The following SLC35F1 variants were observed in gnomAD, a reference collection of about 807,000 sequenced individuals.
The protein encoded by SLC35F1 is chromosome 6 open reading frame 169.
SLC35F1 carries 14 observed loss-of-function variants against 48.7 expected under a neutral mutation model. That is an observed-to-expected ratio of 0.29 (90% CI 0.19 to 0.45). The LOEUF (loss-of-function observed/expected upper bound fraction) is 0.45, where lower values mean the gene tolerates loss of function less well. SLC35F1 is among the 20% of genes least tolerant of loss of function. The pLI, the probability that SLC35F1 is intolerant of heterozygous loss-of-function variation, is 1.00. For missense variants in SLC35F1, 404 were observed against 500.0 expected, an observed-to-expected ratio of 0.81 and a Z score of 1.83; for synonymous variants, 190 against 202.2, an observed-to-expected ratio of 0.94 and a Z score of 0.51.
intron 1 of SLC35F1, among the ~76,000 whole-genome samples, chr6:118,131,274 T>G (rs372469180): frequency 6.6e-6 from 1 of 152,200 alleles, no homozygotes; most frequent in Admixed American, 6.5e-5. Context: ...ATTCATAAAA[T>G]ACTATTATGC....
At chr6:117,911,587 C>T (rs960314528) in intron 1 of SLC35F1, among the ~76,000 whole-genome samples, 67 of 151,928 alleles carry the variant, frequency 4.4e-4, no homozygotes, top group African/African-American at 1.5e-3. Flanking sequence ...AGGTGCACAC[C>T]ACCATGCCTG....
At chr6:118,280,282 T>A (rs949582381) in intron 6 of SLC35F1, among the ~76,000 whole-genome samples, 1 of 152,158 alleles carries the variant, frequency 6.6e-6, no homozygotes, top group Admixed American at 6.5e-5. Flanking sequence ...AACTTAAACA[T>A]TCCCTTTACC....
At chr6:118,249,198 C>T (rs973060358) in intron 3 of SLC35F1, among the ~76,000 whole-genome samples, 1 of 152,208 alleles carries the variant, frequency 6.6e-6, no homozygotes, top group Non-Finnish European at 1.5e-5. Context: ...CAGGCAGGTT[C>T]GAAGGCACTT....
chr6:118,281,053 T>C (rs1775976960), intron 6 of SLC35F1, among the ~76,000 whole-genome samples: 2 of 151,636 alleles, frequency 1.3e-5, no homozygotes, highest in South Asian at 4.2e-4. Context: ...GAATTACAAA[T>C]AATATTTTAA....
chr6:118,198,612 TAGA>T (rs980888170), intron 2 of SLC35F1, among the ~76,000 whole-genome samples: 3 of 152,348 alleles, frequency 2.0e-5, no homozygotes, highest in Non-Finnish European at 4.4e-5. Context: ...TTTAAGCATA[TAGA>T]AGAATTAAAC....
At chr6:117,928,274 T>A (rs759042710) in intron 1 of SLC35F1, among the ~76,000 whole-genome samples, 58 of 152,284 alleles carry the variant, frequency 3.8e-4, no homozygotes, top group Admixed American at 5.9e-4. Flanking sequence ...GGGTAGACAC[T>A]GCTTCATGCT....
intron 1 of SLC35F1, among the ~76,000 whole-genome samples, chr6:117,943,221 G>T (rs112048682): frequency 6.6e-6 from 1 of 152,146 alleles, no homozygotes; most frequent in African/African-American, 2.4e-5. Context: ...CATTACTGCT[G>T]ATTGACCAGA....
intron 1 of SLC35F1, among the ~76,000 whole-genome samples, chr6:118,000,400 G>C (rs1022027315): frequency 9.2e-5 from 14 of 151,944 alleles, no homozygotes; most frequent in Admixed American, 2.0e-4. Flanking sequence ...ATTCAACAAC[G>C]CTTCATGCTA....
rs1222624114 is a variant in SLC35F1, at chr6:118,128,296, C to A, written c.174-26149C>A. Among the ~76,000 whole-genome samples the A allele has an allele frequency of 1.0e-4, 15 of 146,780 alleles. No homozygotes were observed. In the South Asian group the frequency reaches 2.8e-3, roughly 27 times the overall value. The stretch of plus-strand genomic sequence containing the variant: ...GAACTAGAAATACCATTTGACCCAG[C>A]CATCCCATTACTGGGTATATACCCA... On this transcript the variant is annotated intron_variant, in intron 1 of 7. Coordinates refer to ENST00000360388, the MANE Select transcript of SLC35F1 (RefSeq NM_001029858.4).
chr6:118,196,643 G>A (rs1774804164), intron 2 of SLC35F1, among the ~76,000 whole-genome samples: 2 of 151,960 alleles, frequency 1.3e-5, no homozygotes, highest in African/African-American at 4.8e-5. Flanking sequence ...TTGAACCCGG[G>A]AGGTAGAGGT....
chr6:118,136,580 C>T (rs968635521), intron 1 of SLC35F1, among the ~76,000 whole-genome samples: 1 of 152,206 alleles, frequency 6.6e-6, no homozygotes, highest in Non-Finnish European at 1.5e-5. Flanking sequence ...TAACGCATCT[C>T]CTTCTGCCCC....
In SLC35F1 at chr6:117,907,783, G is replaced by A; in HGVS notation, c.57G>A (p.Pro19=). Residue 19 remains proline (P), a synonymous_variant, in exon 1 of 8, where the codon CCG becomes CCA. Coordinates refer to ENST00000360388, the MANE Select transcript of SLC35F1 (RefSeq NM_001029858.4). ...TGCAGCCGCCGTCGCCAGCCCCGCC[G>A]AACCATGTGGTGACCACCATCGAGA... ...QQLQPPSPAP[P]NHVVTTIENL... 1.3e-6 allele frequency: 2 copies of A among 1,560,506 alleles called. No homozygotes were observed. Among genetic ancestry groups the A allele is most frequent in the African/African-American group, 1.4e-5 (1 of 71,000 alleles).
At chr6:117,963,789 TA>T (rs1323227862) in intron 1 of SLC35F1, among the ~76,000 whole-genome samples, 1 of 152,214 alleles carries the variant, frequency 6.6e-6, no homozygotes, top group Non-Finnish European at 1.5e-5. Context: ...CCCACCACTT[TA>T]TTTTTTTTAA....
At chr6:117,948,112 A>G (rs1776317587) in intron 1 of SLC35F1, among the ~76,000 whole-genome samples, 1 of 152,220 alleles carries the variant, frequency 6.6e-6, no homozygotes, top group Admixed American at 6.5e-5. Context: ...AATCTGAAAA[A>G]GTGTGGCCAA....
intron 2 of SLC35F1, among the ~76,000 whole-genome samples, chr6:118,157,436 A>C (rs1347417573): frequency 6.6e-6 from 1 of 152,172 alleles, no homozygotes; most frequent in East Asian, 1.9e-4. Context: ...ATAGATGTAT[A>C]TATGAAAGGG....
intron 1 of SLC35F1, among the ~76,000 whole-genome samples, chr6:118,057,684 G>A (rs1040950791): frequency 6.6e-6 from 1 of 152,138 alleles, no homozygotes; most frequent in East Asian, 1.9e-4. Flanking sequence ...GACAAATCCT[G>A]ATTTATCAAA....
At chr6:117,914,883 G>C (rs1403999515) in intron 1 of SLC35F1, among the ~76,000 whole-genome samples, 1 of 151,624 alleles carries the variant, frequency 6.6e-6, no homozygotes, top group East Asian at 1.9e-4. Flanking sequence ...CATTGAGTTT[G>C]TTTCACTTAG....
At chr6:118,067,388 A>G (rs1474784951) in intron 1 of SLC35F1, among the ~76,000 whole-genome samples, 2 of 152,194 alleles carry the variant, frequency 1.3e-5, no homozygotes, top group African/African-American at 2.4e-5. Context: ...AGGTTGAAAC[A>G]TGACTTGAGA....
At chr6:118,304,380 A>G (rs926739012) in intron 7 of SLC35F1, among the ~76,000 whole-genome samples, 12 of 83,388 alleles carry the variant, frequency 1.4e-4, no homozygotes, top group South Asian at 1.2e-3. Context: ...AAAAAAAAAA[A>G]AAGAAGAAGA....
Sources: gnomAD v4.1 joint callset for allele counts (sites outside exome capture counted in the v4.1 genomes callset) on GRCh38, gnomAD v4.1.1 for gene constraint, MANE v1.5 for transcripts, NCBI Gene and HGNC (gene_info 2026-07-23, HGNC 2026-07-21) for gene names.